Variants in ENG observed in about 807,000 individuals in gnomAD.
The protein encoded by ENG is endoglin.
Under a neutral mutation model 71.0 loss-of-function variants are expected in ENG, and 17 were observed. That is an observed-to-expected ratio of 0.24 (90% CI 0.16 to 0.36). The LOEUF is 0.36. ENG is among the 10% of genes least tolerant of loss of function. The probability of loss-of-function intolerance (pLI) is 1.00; values close to 1 mark genes in which losing one functional copy is unlikely to be tolerated. For synonymous variants in ENG, 360 were observed against 366.9 expected, an observed-to-expected ratio of 0.98 and a Z score of 0.21; for missense variants, 749 against 868.3, an observed-to-expected ratio of 0.86 and a Z score of 1.73.
chr9:127,839,423 A>G (rs1830975482), intron 2 of ENG, among the ~76,000 whole-genome samples: 1 of 152,212 alleles, frequency 6.6e-6, no homozygotes, highest in South Asian at 2.1e-4. Flanking sequence ...AGGGGCTGGC[A>G]GCATCATGGG....
chr9:127,823,633 C>T (rs1830525005), intron 8 of ENG, among the ~76,000 whole-genome samples: 1 of 150,530 alleles, frequency 6.6e-6, no homozygotes, highest in Non-Finnish European at 1.5e-5. Context: ...TGTGATCCAC[C>T]CGCCTCGGCC....
chr9:127,853,092 GT>G (rs1023828360), intron 1 of ENG, among the ~76,000 whole-genome samples: 8 of 152,106 alleles, frequency 5.3e-5, no homozygotes, highest in African/African-American at 1.9e-4. Context: ...CATTAAGAGG[GT>G]TCGCCCTATC....
chr9:127,825,985 G>T, intron 4 of ENG, 125 bp from the exon 5 acceptor site: 1 of 1,294,258 alleles, frequency 7.7e-7, no homozygotes, highest in South Asian at 1.3e-5. Context: ...GGGGAGAGGC[G>T]TCAGAGGACC....
chr9:127,820,550 C>T (rs1045199048), intron 8 of ENG, among the ~76,000 whole-genome samples: 3 of 150,748 alleles, frequency 2.0e-5, no homozygotes, highest in African/African-American at 4.9e-5. Flanking sequence ...TCCTTCAGGC[C>T]GGGTACGGTG....
At chr9:127,818,645 T>G in intron 11 of ENG, 71 bp downstream of exon 11, 3 of 1,521,894 alleles carry the variant, frequency 2.0e-6, no homozygotes, top group Non-Finnish European at 2.7e-6. Flanking sequence ...TCTGGAGTCA[T>G]GGTGGGAAGA....
chr9:127,830,148 C>A (rs563888448), intron 2 of ENG, among the ~76,000 whole-genome samples: 8 of 150,630 alleles, frequency 5.3e-5, no homozygotes, highest in Non-Finnish European at 8.9e-5. Flanking sequence ...TGGAGACCAG[C>A]CTGACCAACA....
chr9:127,818,849 G>C lies in ENG; in HGVS notation c.1312-17C>G, dbSNP rs1042636734. On this transcript the variant is annotated splice_polypyrimidine_tract_variant and intron_variant, in intron 10 of 14. Coordinates refer to ENST00000373203, the MANE Select transcript of ENG (RefSeq NM_001114753.3). ...CACCTTTTTCTGGGGGAGGACGGGA[G>C]GGAGACTTGGTCAATCTGGCGGCGC... is the stretch of plus-strand genomic sequence containing the variant. The C allele has an allele frequency of 7.4e-6, 12 of 1,612,208 alleles. No homozygotes were observed. The highest frequency in any genetic ancestry group is 9.3e-6 in the Non-Finnish European group (11 of 1,178,632).
In ENG at chr9:127,838,296, A is replaced by C. The variant is rs967967386; in HGVS notation, c.219+4798T>G. Among the ~76,000 whole-genome samples the C allele has an allele frequency of 6.6e-6, 1 of 152,182 alleles. No individual in the cohort carries two copies. The highest frequency in any genetic ancestry group is 1.9e-4 in the East Asian group (1 of 5,186). ...AGGGGTGCAGGTTTCAGGGGGGTAC[A>C]TCCCTTTGGCCCCACAGAGTCCCCA... On this transcript the variant is annotated intron_variant, in intron 2 of 14. Coordinates refer to ENST00000373203, the MANE Select transcript of ENG (RefSeq NM_001114753.3). This position sits in a 1 kb window ranked among gnomAD's most constrained non-coding sequence, Gnocchi z 4.3.
intron 1 of ENG, among the ~76,000 whole-genome samples, chr9:127,850,718 C>T (rs930708925): frequency 6.6e-6 from 1 of 152,262 alleles, no homozygotes; most frequent in African/African-American, 2.4e-5. Context: ...ATCCTCCACA[C>T]TCAGGAACAC....
At chr9:127,818,673 C>A in intron 11 of ENG, 43 bp downstream of exon 11, 2 of 1,595,538 alleles carry the variant, frequency 1.3e-6, no homozygotes, top group Non-Finnish European at 1.7e-6. Flanking sequence ...AGAGGAAGTT[C>A]CAGGAGCTGG....
intron 2 of ENG, among the ~76,000 whole-genome samples, chr9:127,840,275 G>A (rs1830999461): frequency 6.6e-6 from 1 of 152,230 alleles, no homozygotes; most frequent in African/African-American, 2.4e-5. Context: ...ATTTGTGCAC[G>A]CATGCGTGCA....
Position 127,826,622 on chromosome 9 carries a change from C to T in ENG, c.411G>A (p.Glu137=), listed in dbSNP as rs888984779. 1 of 1,613,890 alleles carries T rather than the reference C, an allele frequency of 6.2e-7. No individual in the cohort carries two copies. The highest frequency in any genetic ancestry group is 1.7e-5 in the Admixed American group (1 of 60,000). ...FQEPPGVNTT[E]LPSFPKTQIL... is the part of the protein sequence containing the mutation. ...TCTGGGTCTTGGGGAAGGATGGCAG[C>T]TCTGTGGTGTTGACCCCCGGGGGCT... The change falls in exon 4 of 15, where the codon GAG becomes GAA. Residue 137 remains glutamate, a synonymous_variant. Transcript: ENST00000373203.
chr9:127,844,809 A>T (rs1379862079), intron 1 of ENG, among the ~76,000 whole-genome samples: 1 of 152,216 alleles, frequency 6.6e-6, no homozygotes, highest in Non-Finnish European at 1.5e-5. Context: ...CAGGTAAGGC[A>T]GGAGCTGAGC....
At chr9:127,843,736 C>CATATATATAT (rs1554812401) in intron 1 of ENG, among the ~76,000 whole-genome samples, 7 of 89,522 alleles carry the variant, frequency 7.8e-5, no homozygotes, top group African/African-American at 3.5e-4. Context: ...CATCCACATA[C>CATATATATAT]ATATATATAT....
At position 127,819,640 on chromosome 9, in the gene ENG, C is replaced by G. The variant is rs774036076; in HGVS notation, c.1293G>C (p.Ser431=). 6.2e-7 allele frequency: 1 copy of G among 1,612,322 alleles called. No homozygotes were observed. Among genetic ancestry groups the G allele is most frequent in the East Asian group, 2.2e-5 (1 of 44,866 alleles). Residue 431 remains serine, a synonymous_variant, in exon 10 of 15, where the codon TCG becomes TCC. Transcript: ENST00000373203. ...ATCTCACCCGCTGTGGTGATGAGCT[C>G]GACAGGATATTGACCACCGCCTGCG... ...ISNEAVVNIL[S]SSSPQRKKVH...
intron 2 of ENG, among the ~76,000 whole-genome samples, chr9:127,840,850 CAG>C (rs1399762239): frequency 6.6e-6 from 1 of 152,224 alleles, no homozygotes; most frequent in Non-Finnish European, 1.5e-5. Flanking sequence ...CAGAGGCTAA[CAG>C]GGAGATTTTG....
At chr9:127,847,286 A>G (rs1831190552) in intron 1 of ENG, 1 of 152,310 alleles carries the variant, frequency 6.6e-6, no homozygotes, top group South Asian at 2.1e-4. Context: ...CACGGCCTGG[A>G]TTTAAACCCA....
At chr9:127,832,069 CT>C (rs1041729379) in intron 2 of ENG, among the ~76,000 whole-genome samples, 306 of 83,622 alleles carry the variant, frequency 3.7e-3, no homozygotes, top group South Asian at 8.6e-3. Context: ...AGCTACCATT[CT>C]TTTTTTTTTT....
rs10819309 is a variant in ENG, at chr9:127,819,444, A to G, written c.1311+178T>C. 494,253 of 783,794 alleles carry G rather than the reference A, an allele frequency of 0.63. 159,661 individuals carry two copies. The highest frequency in any genetic ancestry group is 0.97 in the East Asian group (34,837 of 35,894). 48.6% of individuals were successfully genotyped at this position (783,794 alleles called of 1,614,324 possible). ...GCTAAGCCCTCTGACTTGAGAGACCAAGAGCGTCACCCTCAGCAGTCCTGC... is the reference window on the plus strand; with the variant it reads ...GCTAAGCCCTCTGACTTGAGAGACCGAGAGCGTCACCCTCAGCAGTCCTGC... On this transcript the variant is annotated intron_variant, in intron 10 of 14. Transcript: ENST00000373203.
Sources: gnomAD v4.1 joint callset for allele counts (sites outside exome capture counted in the v4.1 genomes callset) on GRCh38, gnomAD v4.1.1 for gene constraint, Gnocchi (gnomAD v3.1) non-coding constraint, MANE v1.5 for transcripts, NCBI Gene and HGNC (gene_info 2026-07-23, HGNC 2026-07-21) for gene names.